Variants in OXR1 observed in about 807,000 individuals in gnomAD.
OXR1 encodes the protein oxidation resistance protein 1.
In OXR1, 41 loss-of-function variants were observed where a neutral mutation model predicts 104.6. That is an observed-to-expected ratio of 0.39 (90% CI 0.31 to 0.51). The LOEUF is 0.51. OXR1 is among the 20% of genes least tolerant of loss of function. The probability of loss-of-function intolerance (pLI) is 0.77; values close to 1 mark genes in which losing one functional copy is unlikely to be tolerated. For synonymous variants in OXR1, 348 were observed against 348.4 expected (o/e 1.00, Z 0.01); for missense variants, 955 against 1,031.9 (o/e 0.93, Z 1.02).
chr8:106,426,342 T>G (rs1224425763), intron 2 of OXR1, among the ~76,000 whole-genome samples: 1 of 151,174 alleles, frequency 6.6e-6, no homozygotes, highest in African/African-American at 2.5e-5. Context: ...TTTGATGCCT[T>G]GTTACATTTG....
intron 2 of OXR1, among the ~76,000 whole-genome samples, chr8:106,374,756 T>G (rs1395151521): frequency 6.6e-6 from 1 of 152,182 alleles, no homozygotes; most frequent in African/African-American, 2.4e-5. Context: ...TGACAGACGA[T>G]TTTATAAACA....
intron 2 of OXR1, among the ~76,000 whole-genome samples, chr8:106,451,914 T>C (rs1404873534): frequency 6.6e-6 from 1 of 152,208 alleles, no homozygotes; most frequent in Non-Finnish European, 1.5e-5. Context: ...CAAATGTGTG[T>C]AACAGCAGGA....
At chr8:106,677,082 TACAA>T (rs1356255510) in intron 3 of OXR1, among the ~76,000 whole-genome samples, 1 of 152,042 alleles carries the variant, frequency 6.6e-6, no homozygotes, top group African/African-American at 2.4e-5. Flanking sequence ...GCAAAGTAAA[TACAA>T]ACTAACGGTT....
In OXR1 at chr8:106,359,550, G is replaced by A. The variant is rs887655909; in HGVS notation, c.-64G>A. ...CAAAGCTAAAATTTTTAGCGGTGTT[G>A]TCGACTTGACCTGCTAATTTCCTGT... is the stretch of plus-strand genomic sequence containing the variant. On this transcript the variant is annotated 5_prime_UTR_variant, in exon 2 of 17. Transcript: ENST00000517566. The A allele has an allele frequency of 3.8e-5, 51 of 1,340,366 alleles. No individual in the cohort carries two copies. The highest frequency in any genetic ancestry group is 4.9e-5 in the Non-Finnish European group (47 of 954,356). 83.0% of individuals were successfully genotyped at this position (1,340,366 alleles called of 1,614,324 possible). A position where few individuals can be genotyped will look rare whatever the true frequency, so the allele number is the denominator to read the frequency against.
chr8:106,358,336 T>A (rs569114696), intron 1 of OXR1, among the ~76,000 whole-genome samples: 8 of 152,330 alleles, frequency 5.3e-5, no homozygotes, highest in East Asian at 1.9e-4. Context: ...GGCTTTTTCT[T>A]AAACTTGTAG....
intron 3 of OXR1, among the ~76,000 whole-genome samples, chr8:106,645,966 C>T (rs1291041259): frequency 6.6e-6 from 1 of 152,048 alleles, no homozygotes; most frequent in Non-Finnish European, 1.5e-5. Flanking sequence ...CAGTTATAGA[C>T]TTTCCCCCAA....
chr8:106,381,133 A>G (rs1421443812), intron 2 of OXR1, among the ~76,000 whole-genome samples: 3 of 152,188 alleles, frequency 2.0e-5, no homozygotes, highest in African/African-American at 7.2e-5. Flanking sequence ...TAAAGAATAG[A>G]TAGCTGAATA....
chr8:106,547,309 C>T (rs1258510096), intron 3 of OXR1, among the ~76,000 whole-genome samples: 4 of 152,094 alleles, frequency 2.6e-5, no homozygotes, highest in Admixed American at 2.0e-4. Flanking sequence ...TCCCCATTCC[C>T]GCTCCCTCCA....
rs546829775 is a variant in OXR1 at position 106,503,346 on chromosome 8, C to T, written c.24-15597C>T. 2.6e-5 allele frequency among the ~76,000 whole-genome samples: 4 copies of T among 152,296 alleles called. No individual in the cohort carries two copies. In the East Asian group the frequency reaches 7.7e-4, roughly 29 times the overall value. ...ACTGAGAAGGTACCTTTTACTCCCT[C>T]ATTTCAAAATGAGGCATGAGCCCAC... On this transcript the variant is annotated intron_variant, in intron 2 of 16. Transcript: ENST00000517566.
intron 2 of OXR1, among the ~76,000 whole-genome samples, chr8:106,487,225 T>C (rs1342631693): frequency 6.6e-6 from 1 of 151,834 alleles, no homozygotes; most frequent in Non-Finnish European, 1.5e-5. Context: ...GGTTTCACCA[T>C]GTTGGCCAGG....
chr8:106,386,846 A>G (rs118139076), intron 2 of OXR1, among the ~76,000 whole-genome samples: 296 of 152,336 alleles, frequency 1.9e-3, no homozygotes, highest in Non-Finnish European at 3.1e-3. Flanking sequence ...AGCTAAGGAG[A>G]TAGTCTTCCA....
At chr8:106,750,321 TTTC>T (rs1286383058) in intron 16 of OXR1, among the ~76,000 whole-genome samples, 1 of 37,598 alleles carries the variant, frequency 2.7e-5, no homozygotes, top group African/African-American at 5.6e-5. Context: ...TTTCTTTTCT[TTTC>T]TTTTTTTTTT....
chr8:106,482,568 A>G (rs1362109119), intron 2 of OXR1, among the ~76,000 whole-genome samples: 1 of 152,068 alleles, frequency 6.6e-6, no homozygotes, highest in Non-Finnish European at 1.5e-5. Context: ...AGTGTCCCGC[A>G]TAGTTTTTGG....
chr8:106,465,270 T>TG (rs1821115136), intron 2 of OXR1, among the ~76,000 whole-genome samples: 1 of 151,890 alleles, frequency 6.6e-6, no homozygotes. Context: ...GGGGCATGCC[T>TG]GATGTGCTTG....
In OXR1 at chr8:106,541,864, A is replaced by AC. The variant is rs1814977807; in HGVS notation, c.220+22727dup. Among the ~76,000 whole-genome samples the AC allele has an allele frequency of 1.3e-5, 2 of 152,228 alleles. 1 individual carries two copies. Among genetic ancestry groups the AC allele is most frequent in the Admixed American group, 1.3e-4 (2 of 15,282 alleles). On this transcript the variant is annotated intron_variant, in intron 3 of 16. Transcript: ENST00000517566. The stretch of plus-strand genomic sequence containing the variant: ...ACATAAAATGAAGTAGGGATAAGAT[A>AC]CCAACATTTTACCCAGGCCCAGTGT...
At chr8:106,687,209 A>G (rs1444245292) in intron 6 of OXR1, among the ~76,000 whole-genome samples, 1 of 152,166 alleles carries the variant, frequency 6.6e-6, no homozygotes, top group East Asian at 1.9e-4. Context: ...TTATTCTCCT[A>G]GCTCCTTCCC....
intron 1 of OXR1, among the ~76,000 whole-genome samples, chr8:106,276,711 G>C (rs887734992): frequency 6.3e-5 from 9 of 141,932 alleles, no homozygotes; most frequent in Middle Eastern, 4.0e-3. Flanking sequence ...CCGATATTTA[G>C]CTCAAGAGCT....
intron 7 of OXR1, among the ~76,000 whole-genome samples, chr8:106,694,776 T>TATATATTA (rs1563716740): frequency 9.0e-6 from 1 of 111,090 alleles, no homozygotes; most frequent in Non-Finnish European, 1.7e-5. Context: ...AATAGATAAA[T>TATATATTA]ACATATATAT....
intron 2 of OXR1, among the ~76,000 whole-genome samples, chr8:106,500,724 G>T (rs1412180194): frequency 6.6e-6 from 1 of 152,086 alleles, no homozygotes; most frequent in Non-Finnish European, 1.5e-5. Flanking sequence ...TCTCTGCAGA[G>T]AAACTGTCAT....
Sources: allele counts gnomAD v4.1 joint callset (sites outside exome capture counted in the v4.1 genomes callset), GRCh38; gene constraint gnomAD v4.1.1; transcripts MANE v1.5; gene names NCBI Gene and HGNC (gene_info 2026-07-23, HGNC 2026-07-21).